Variants in MAN2A1 observed in about 807,000 individuals in gnomAD.
MAN2A1 encodes mannosidase alpha class 2A member 1.
In MAN2A1, 76 loss-of-function variants were observed where a neutral mutation model predicts 142.6. That is an observed-to-expected ratio of 0.53 (90% CI 0.44 to 0.65). MAN2A1 has a LOEUF of 0.65. Ranked by LOEUF, MAN2A1 falls within the 30% of genes least tolerant of loss-of-function variation. The probability of loss-of-function intolerance (pLI) is 0.00; values close to 1 mark genes in which losing one functional copy is unlikely to be tolerated. For missense variants in MAN2A1, 1,311 were observed against 1,365.1 expected, an observed-to-expected ratio of 0.96 and a Z score of 0.62; for synonymous variants, 559 against 473.2, an observed-to-expected ratio of 1.18 and a Z score of -2.35.
chr5:109,768,224 G>T (rs192052163), intron 6 of MAN2A1, among the ~76,000 whole-genome samples: 13 of 135,080 alleles, frequency 9.6e-5, no homozygotes, highest in Admixed American at 6.5e-4. Context: ...TACTTGTGCA[G>T]CTCTTTATTA....
intron 4 of MAN2A1, among the ~76,000 whole-genome samples, chr5:109,747,590 G>A (rs911791526): frequency 3.3e-5 from 5 of 152,122 alleles, no homozygotes; most frequent in Non-Finnish European, 7.4e-5. Flanking sequence ...AAAGAGCTGG[G>A]GGGAGAGGGT....
intron 20 of MAN2A1, among the ~76,000 whole-genome samples, chr5:109,861,749 C>T (rs1226648681): frequency 1.3e-5 from 2 of 152,102 alleles, no homozygotes; most frequent in Non-Finnish European, 2.9e-5. Context: ...GAACCTTATA[C>T]TGTCTTGCAT....
intron 8 of MAN2A1, among the ~76,000 whole-genome samples, chr5:109,775,423 AT>A (rs978069314): frequency 3.3e-5 from 5 of 151,296 alleles, no homozygotes; most frequent in South Asian, 2.1e-4. Context: ...ATACACTAAC[AT>A]TTTTTTTTAA....
At chr5:109,721,902 A>T (rs1751613782) in intron 3 of MAN2A1, among the ~76,000 whole-genome samples, 1 of 152,200 alleles carries the variant, frequency 6.6e-6, no homozygotes, top group Non-Finnish European at 1.5e-5. Flanking sequence ...TGTTCTGTGC[A>T]CTATTCTAGG....
Position 109,774,958 on chromosome 5 carries a change from A to C in MAN2A1, c.1367A>C (p.Lys456Thr). 6.3e-7 allele frequency: 1 copy of C among 1,589,938 alleles called. No homozygotes were observed. The highest frequency in any genetic ancestry group is 1.1e-5 in the South Asian group (1 of 88,260). Residue 456 changes from lysine to threonine, a missense_variant, in exon 8 of 22, where the codon AAA (lysine) becomes ACA (threonine). Lys to Thr is a moderately conservative substitution (Grantham distance 78, BLOSUM62 -1). Around this residue, in one of 3 missense-constraint regions of MAN2A1, gnomAD observed 890 missense variants for 920.5 expected, o/e 0.97. Transcript: ENST00000261483. ...TATATGAATTCTCAGTCCAAGTTTAAAGTTAAGGTAAGGAGAAAATATTTA... is the reference window on the plus strand; with the variant it reads ...TATATGAATTCTCAGTCCAAGTTTACAGTTAAGGTAAGGAGAAAATATTTA... Reference protein sequence around the residue: ...FDYMNSQSKFKVKIQFGTLSD... With the variant: ...FDYMNSQSKFTVKIQFGTLSD...
At chr5:109,799,481 G>A (rs371516212) in intron 12 of MAN2A1, among the ~76,000 whole-genome samples, 2 of 152,140 alleles carry the variant, frequency 1.3e-5, no homozygotes, top group East Asian at 1.9e-4. Flanking sequence ...CAGGCCAGGC[G>A]CAGTGGCTCA....
intron 17 of MAN2A1, among the ~76,000 whole-genome samples, chr5:109,842,951 G>A (rs937927639): frequency 3.3e-5 from 5 of 151,614 alleles, no homozygotes; most frequent in African/African-American, 7.3e-5. Context: ...CACTACAGGC[G>A]CACACCACTA....
At chr5:109,710,507 G>GTTTTTT (rs199878420) in intron 1 of MAN2A1, among the ~76,000 whole-genome samples, 1 of 150,188 alleles carries the variant, frequency 6.7e-6, no homozygotes. Context: ...ATAAAATGTG[G>GTTTTTT]TATTTTTTTT....
rs1755035606 is a variant in MAN2A1 at position 109,835,654 on chromosome 5, G to C, written c.2567-6674G>C. 2.6e-5 allele frequency among the ~76,000 whole-genome samples: 4 copies of C among 152,256 alleles called. No individual in the cohort carries two copies. In the South Asian group the frequency reaches 8.3e-4, roughly 32 times the overall value. ...TGCCACTGATAAGATACTGGACTTT[G>C]CTGGGATATGAGTGAGGTTCTTTTT... On this transcript the variant is annotated intron_variant, in intron 16 of 21. Coordinates refer to ENST00000261483, the MANE Select transcript of MAN2A1 (RefSeq NM_002372.4).
At chr5:109,827,317 GTTAAACC>G (rs1205274972) in intron 16 of MAN2A1, among the ~76,000 whole-genome samples, 1 of 152,164 alleles carries the variant, frequency 6.6e-6, no homozygotes, top group African/African-American at 2.4e-5. Context: ...GTCTATTTTT[GTTAAACC>G]TTACAAATCC....
chr5:109,711,008 A>G (rs1397421601), intron 1 of MAN2A1, among the ~76,000 whole-genome samples: 3 of 152,118 alleles, frequency 2.0e-5, no homozygotes, highest in Non-Finnish European at 4.4e-5. Flanking sequence ...TTGTATTTTT[A>G]GTAGAGATGG....
At chr5:109,796,692 C>G (rs1020769266) in intron 12 of MAN2A1, among the ~76,000 whole-genome samples, 3 of 152,140 alleles carry the variant, frequency 2.0e-5, no homozygotes, top group Non-Finnish European at 4.4e-5. Context: ...AAGAAAGAAG[C>G]CTTCCCTTTG....
chr5:109,698,011 A>G (rs1750862689), intron 1 of MAN2A1, among the ~76,000 whole-genome samples: 1 of 152,186 alleles, frequency 6.6e-6, no homozygotes, highest in African/African-American at 2.4e-5. Context: ...TTTGCACTGT[A>G]GGACTGCTCT....
At chr5:109,786,958 A>G (rs185793445) in intron 10 of MAN2A1, among the ~76,000 whole-genome samples, 2 of 152,102 alleles carry the variant, frequency 1.3e-5, no homozygotes, top group Admixed American at 1.3e-4. Context: ...CTCCTCTGCC[A>G]TAGTAGGGGG....
chr5:109,835,650 C>T (rs1755035420), intron 16 of MAN2A1, among the ~76,000 whole-genome samples: 1 of 152,120 alleles, frequency 6.6e-6, no homozygotes, highest in Non-Finnish European at 1.5e-5. Flanking sequence ...AGATACTGGA[C>T]TTTGCTGGGA....
Position 109,713,837 on chromosome 5 carries a change from A to G in MAN2A1, c.390+63A>G. On this transcript the variant is annotated intron_variant, in intron 2 of 21. Transcript: ENST00000261483. ...TTTTTTTTGTTCTTTTTAAGATTTG[A>G]CCTGATGTCTGTTCTGACTTGGTAA... 9 of 1,470,842 alleles carry G rather than the reference A, an allele frequency of 6.1e-6. No individual in the cohort carries two copies. In the South Asian group the frequency reaches 1.2e-4, roughly 19 times the overall value. The allele number at this position is 1,470,842 out of a possible 1,614,324, so 91.1% of individuals were successfully genotyped here.
chr5:109,842,813 T>TG lies in MAN2A1; in HGVS notation c.2700+352_2700+353insG, dbSNP rs1219331556. On this transcript the variant is annotated intron_variant, in intron 17 of 21. Coordinates refer to ENST00000261483, the MANE Select transcript of MAN2A1 (RefSeq NM_002372.4). ...ATGGATTATACTTATTGGGTTTTTTTTTTTTTTTTTGAGAAAGAGTCTCGC... is the reference window on the plus strand; with the variant it reads ...ATGGATTATACTTATTGGGTTTTTTTGTTTTTTTTTTGAGAAAGAGTCTCGC... Among the ~76,000 whole-genome samples, 3 of 144,920 alleles carry TG rather than the reference T, an allele frequency of 2.1e-5. 1 individual carries two copies.
intron 1 of MAN2A1, among the ~76,000 whole-genome samples, chr5:109,705,726 A>G (rs1414719086): frequency 1.3e-5 from 2 of 152,212 alleles, no homozygotes; most frequent in Non-Finnish European, 2.9e-5. Context: ...TACTGGACTA[A>G]AATAAAGATG....
chr5:109,866,796 T>C lies in MAN2A1; in HGVS notation c.3283-50T>C, dbSNP rs768597351. The C allele has an allele frequency of 1.3e-5, 16 of 1,249,182 alleles. No individual in the cohort carries two copies. In the South Asian group the frequency reaches 2.0e-4, roughly 15 times the overall value. 77.4% of individuals were successfully genotyped at this position (1,249,182 alleles called of 1,614,324 possible). A position where few individuals can be genotyped will look rare whatever the true frequency, so the allele number is the denominator to read the frequency against. ...TTCACAGAATATGTAGTTGTGCTGC[T>C]AATCTTCAAAGTTGATCTAAATATG... On this transcript the variant is annotated intron_variant, in intron 21 of 21. Coordinates refer to ENST00000261483, the MANE Select transcript of MAN2A1 (RefSeq NM_002372.4).
Sources: allele counts gnomAD v4.1 joint callset (sites outside exome capture counted in the v4.1 genomes callset), GRCh38; gene constraint gnomAD v4.1.1; regional missense constraint gnomAD v4.1.1; transcripts MANE v1.5; gene names NCBI Gene and HGNC (gene_info 2026-07-23, HGNC 2026-07-21).